The following MTUS2 variants were observed in gnomAD, a reference collection of about 807,000 sequenced individuals.
MTUS2 encodes the protein microtubule-associated tumor suppressor candidate 2.
Under a neutral mutation model 114.1 loss-of-function variants are expected in MTUS2, and 40 were observed. That is an observed-to-expected ratio of 0.35 (90% CI 0.27 to 0.46). The LOEUF (loss-of-function observed/expected upper bound fraction) is 0.46, where lower values mean the gene tolerates loss of function less well. Ranked by LOEUF, MTUS2 falls within the 20% of genes least tolerant of loss-of-function variation. The probability of loss-of-function intolerance (pLI) is 1.00; values close to 1 mark genes in which losing one functional copy is unlikely to be tolerated. For synonymous variants in MTUS2, 688 were observed against 672.0 expected (o/e 1.02, Z -0.37); for missense variants, 1,679 against 1,705.4 (o/e 0.98, Z 0.27).
intron 8 of MTUS2, among the ~76,000 whole-genome samples, chr13:29,395,068 A>G (rs1364295955): frequency 6.6e-6 from 1 of 152,218 alleles, no homozygotes; most frequent in African/African-American, 2.4e-5. Context: ...TCAAAGAAAT[A>G]TATTTTGGGA....
chr13:29,166,920 A>G (rs1028540396), intron 5 of MTUS2, among the ~76,000 whole-genome samples: 1 of 152,236 alleles, frequency 6.6e-6, no homozygotes, highest in Non-Finnish European at 1.5e-5. Context: ...GCTCCTACTC[A>G]TTCAGTTTTT....
intron 5 of MTUS2, among the ~76,000 whole-genome samples, chr13:29,266,867 G>A (rs1002450054): frequency 7.9e-5 from 12 of 152,192 alleles, no homozygotes; most frequent in Admixed American, 7.2e-4. Context: ...GAAGCCACGG[G>A]ATGGAATCCT....
chr13:29,157,779 T>C (rs1490108321), intron 5 of MTUS2, among the ~76,000 whole-genome samples: 1 of 151,840 alleles, frequency 6.6e-6, no homozygotes, highest in African/African-American at 2.4e-5. Context: ...TAGGTTAGGA[T>C]ATATATATAT....
intron 5 of MTUS2, among the ~76,000 whole-genome samples, chr13:29,103,076 G>T (rs1489896785): frequency 2.0e-5 from 3 of 152,152 alleles, no homozygotes; most frequent in Non-Finnish European, 4.4e-5. Context: ...TTCTTGGAAA[G>T]CTGGTCTTTT....
intron 9 of MTUS2, among the ~76,000 whole-genome samples, chr13:29,450,916 C>A (rs572865951): frequency 6.6e-6 from 1 of 152,142 alleles, no homozygotes; most frequent in East Asian, 1.9e-4. Flanking sequence ...ACCTACATAC[C>A]GAACAATAGA....
upstream of MTUS2, among the ~76,000 whole-genome samples, chr13:28,820,151 A>C (rs984496841): frequency 1.4e-4 from 21 of 146,632 alleles, no homozygotes; most frequent in East Asian, 4.0e-3. Flanking sequence ...CTCTTTGTCC[A>C]GGCGAGGCGG....
chr13:29,280,706 A>G (rs1898234231), intron 5 of MTUS2, among the ~76,000 whole-genome samples: 1 of 152,186 alleles, frequency 6.6e-6, no homozygotes, highest in Admixed American at 6.5e-5. Context: ...GTAGATGGTC[A>G]TATTCCTACC....
At chr13:29,134,132 C>T (rs1165587596) in intron 5 of MTUS2, among the ~76,000 whole-genome samples, 1 of 151,920 alleles carries the variant, frequency 6.6e-6, no homozygotes, top group African/African-American at 2.4e-5. Context: ...CTTGTGATTT[C>T]TTTTTTGATT....
chr13:29,223,332 G>T (rs1193146426), intron 5 of MTUS2, among the ~76,000 whole-genome samples: 1 of 152,028 alleles, frequency 6.6e-6, no homozygotes, highest in Middle Eastern at 3.2e-3. Flanking sequence ...CTGTGGAGTG[G>T]AGCTACCCAC....
At chr13:29,340,434 A>C (rs1328301090) in intron 7 of MTUS2, among the ~76,000 whole-genome samples, 1 of 152,200 alleles carries the variant, frequency 6.6e-6, no homozygotes, top group Non-Finnish European at 1.5e-5. Flanking sequence ...TCATTTACTC[A>C]TATCAGTAAA....
intron 5 of MTUS2, among the ~76,000 whole-genome samples, chr13:29,251,137 T>A (rs2139430419): frequency 6.6e-6 from 1 of 152,286 alleles, no homozygotes; most frequent in East Asian, 1.9e-4. Flanking sequence ...TGAAGATTGC[T>A]GAGTGAATAC....
At chr13:28,896,141 G>C (rs575941294) in intron 2 of MTUS2, among the ~76,000 whole-genome samples, 2 of 152,268 alleles carry the variant, frequency 1.3e-5, no homozygotes, top group African/African-American at 4.8e-5. Context: ...GATTAGGGAA[G>C]AGTTGTAACT....
At chr13:29,019,571 G>A (rs1886210408) in intron 2 of MTUS2, among the ~76,000 whole-genome samples, 1 of 152,208 alleles carries the variant, frequency 6.6e-6, no homozygotes, top group African/African-American at 2.4e-5. Context: ...TCCCACCCAT[G>A]GGTGCTAAAA....
At chr13:29,167,767 G>T (rs1566043302) in intron 5 of MTUS2, among the ~76,000 whole-genome samples, 1 of 152,058 alleles carries the variant, frequency 6.6e-6, no homozygotes, top group African/African-American at 2.4e-5. Context: ...AGCATTTGGG[G>T]TTTTTCAGAT....
chr13:29,051,309 G>A (rs187606659), intron 4 of MTUS2, among the ~76,000 whole-genome samples: 7 of 152,270 alleles, frequency 4.6e-5, no homozygotes, highest in African/African-American at 1.4e-4. Flanking sequence ...TTGAGCTACC[G>A]GAAGGATGGT....
At chr13:29,123,000 G>A (rs1213388433) in intron 5 of MTUS2, among the ~76,000 whole-genome samples, 3 of 152,178 alleles carry the variant, frequency 2.0e-5, no homozygotes, top group African/African-American at 7.2e-5. Context: ...GCTAGAAAGT[G>A]TTTAATAATT....
chr13:29,472,629 A>G (rs1019806104), intron 9 of MTUS2, among the ~76,000 whole-genome samples: 4 of 152,254 alleles, frequency 2.6e-5, no homozygotes, highest in Non-Finnish European at 5.9e-5. Context: ...AAAGATGCTC[A>G]TAATATCTAA....
At chr13:29,385,583 C>T (rs1296457488) in intron 8 of MTUS2, among the ~76,000 whole-genome samples, 1 of 152,152 alleles carries the variant, frequency 6.6e-6, no homozygotes, top group Non-Finnish European at 1.5e-5. Flanking sequence ...CCCCATATTC[C>T]CCAGTCTGAA....
At position 29,084,275 on chromosome 13, in the gene MTUS2, C is replaced by A. The variant is rs527973900; in HGVS notation, c.2447-16498C>A. On this transcript the variant is annotated intron_variant, in intron 4 of 15. Coordinates refer to ENST00000612955, the MANE Select transcript of MTUS2 (RefSeq NM_001033602.4). ...GTAAATTTTGGATTTCAAATTGGGT[C>A]CAACTGTGGGCCTCTGTTTCACTTT... Among the ~76,000 whole-genome samples the A allele has an allele frequency of 2.6e-5, 4 of 152,048 alleles. No individual in the cohort carries two copies. In the South Asian group the frequency reaches 8.3e-4, roughly 32 times the overall value.
Sources: gnomAD v4.1 joint callset for allele counts (sites outside exome capture counted in the v4.1 genomes callset) on GRCh38, gnomAD v4.1.1 for gene constraint, MANE v1.5 for transcripts, NCBI Gene and HGNC (gene_info 2026-07-23, HGNC 2026-07-21) for gene names.